ZBTB8B: variants seen among roughly 807,000 people sequenced by gnomAD.
The protein encoded by ZBTB8B is zinc finger and BTB domain containing 8B.
A neutral mutation model predicts 30.3 loss-of-function variants in ZBTB8B; 17 were observed. The ratio of observed to expected loss-of-function variants is 0.56; its 90% CI spans 0.38 to 0.84. ZBTB8B has a LOEUF of 0.84. ZBTB8B is among the 40% of genes least tolerant of loss of function. ZBTB8B has a pLI of 0.00. For missense variants in ZBTB8B, 515 were observed against 644.9 expected (o/e 0.80, Z 2.18); for synonymous variants, 248 against 255.6 (o/e 0.97, Z 0.28).
rs889555855 is a variant in ZBTB8B at position 32,489,476 on chromosome 1, C to T, written c.*4058C>T. ...CTTTTAAAGGAGATACTTCCTCTGT[C>T]TAGACTATCAGATCATAAATTGGTC... On this transcript the variant is annotated 3_prime_UTR_variant, in exon 4 of 4. Coordinates refer to ENST00000609129, the MANE Select transcript of ZBTB8B (RefSeq NM_001145720.2). 2.6e-5 allele frequency: 4 copies of T among 152,198 alleles called. No homozygotes were observed. The highest frequency in any genetic ancestry group is 9.6e-5 in the African/African-American group (4 of 41,456). 9.4% of individuals were successfully genotyped at this position (152,198 alleles called of 1,614,324 possible).
At chr1:32,471,898 C>T (rs1057124705) in intron 2 of ZBTB8B, among the ~76,000 whole-genome samples, 3 of 151,588 alleles carry the variant, frequency 2.0e-5, no homozygotes, top group Non-Finnish European at 4.4e-5. Flanking sequence ...CCATCATCAT[C>T]ACTATCATCA....
chr1:32,479,417 G>A (rs558948422), intron 2 of ZBTB8B, among the ~76,000 whole-genome samples: 66 of 152,238 alleles, frequency 4.3e-4, no homozygotes, highest in African/African-American at 1.3e-3. Flanking sequence ...CAGCTACTCC[G>A]AAGGCTGAGG....
intron 2 of ZBTB8B, among the ~76,000 whole-genome samples, chr1:32,474,611 A>T (rs1289741192): frequency 2.0e-5 from 3 of 152,110 alleles, no homozygotes; most frequent in African/African-American, 7.2e-5. Context: ...CTTCACCAGC[A>T]TTGGGAAGAT....
chr1:32,476,438 C>G (rs1193079734), intron 2 of ZBTB8B, among the ~76,000 whole-genome samples: 1 of 152,128 alleles, frequency 6.6e-6, no homozygotes, highest in Non-Finnish European at 1.5e-5. Flanking sequence ...TTTCACTCCT[C>G]CTCAGTGTGT....
At chr1:32,480,305 A>T (rs574902147) in intron 2 of ZBTB8B, among the ~76,000 whole-genome samples, 8 of 152,028 alleles carry the variant, frequency 5.3e-5, no homozygotes, top group Non-Finnish European at 8.8e-5. Flanking sequence ...GGGGGTATGC[A>T]GGGAGAAGGA....
At chr1:32,482,187 C>G (rs1166673490) in intron 3 of ZBTB8B, among the ~76,000 whole-genome samples, 1 of 151,968 alleles carries the variant, frequency 6.6e-6, no homozygotes, top group South Asian at 2.1e-4. Context: ...TTTGTAGAGA[C>G]AGGGTTTTTC....
At chr1:32,479,663 A>C (rs1643690153) in intron 2 of ZBTB8B, among the ~76,000 whole-genome samples, 1 of 152,248 alleles carries the variant, frequency 6.6e-6, no homozygotes, top group Non-Finnish European at 1.5e-5. Context: ...CAGGATCCGC[A>C]GGGCTGACTT....
rs1220653782 is a variant in ZBTB8B at position 32,471,413 on chromosome 1, A to G, written c.789A>G (p.Pro263=). 1 of 1,551,840 alleles carries G rather than the reference A, an allele frequency of 6.4e-7. No homozygotes were observed. Among genetic ancestry groups the G allele is most frequent in the African/African-American group, 1.4e-5 (1 of 73,204 alleles). The change falls in exon 2 of 4, where the codon CCA becomes CCG. Residue 263 remains proline, a synonymous_variant. Coordinates refer to ENST00000609129, the MANE Select transcript of ZBTB8B (RefSeq NM_001145720.2). ...LNLAHVEEAL[P]SGQAVDLAYS... is the part of the protein sequence containing the mutation. ...TGGCCCACGTGGAGGAGGCCTTGCCAAGCGGCCAGGCGGTTGACTTGGCTT... is the reference window on the plus strand; with the variant it reads ...TGGCCCACGTGGAGGAGGCCTTGCCGAGCGGCCAGGCGGTTGACTTGGCTT...
Position 32,470,990 on chromosome 1 carries a change from C to T in ZBTB8B, c.366C>T (p.Leu122=), listed in dbSNP as rs757173461. Residue 122 remains leucine (L), a synonymous_variant, in exon 2 of 4, where the codon CTC becomes CTT. Transcript: ENST00000609129. ...NFCKTYIRSS[L]DICRKMEKEA... is the part of the protein sequence containing the mutation. The stretch of plus-strand genomic sequence containing the variant: ...GCAAGACATACATTAGGTCATCCCT[C>T]GACATTTGCCGAAAGATGGAGAAGG... The T allele has an allele frequency of 6.6e-5, 102 of 1,552,102 alleles. No individual in the cohort carries two copies. Among genetic ancestry groups the T allele is most frequent in the Non-Finnish European group, 8.5e-5 (97 of 1,147,122 alleles).
At chr1:32,477,063 C>T (rs1283346577) in intron 2 of ZBTB8B, among the ~76,000 whole-genome samples, 5 of 152,182 alleles carry the variant, frequency 3.3e-5, no homozygotes, top group South Asian at 2.1e-4. Context: ...TGCCTAAGTA[C>T]GTGTTCTTCC....
At chr1:32,479,846 G>A (rs1257715175) in intron 2 of ZBTB8B, among the ~76,000 whole-genome samples, 1 of 152,206 alleles carries the variant, frequency 6.6e-6, no homozygotes, top group Non-Finnish European at 1.5e-5. Flanking sequence ...TATGAGCAAG[G>A]TGAGGGAATA....
intron 1 of ZBTB8B, among the ~76,000 whole-genome samples, chr1:32,470,275 C>T (rs563737734): frequency 2.0e-5 from 3 of 150,816 alleles, no homozygotes; most frequent in South Asian, 2.1e-4. Flanking sequence ...CCGAGGCGGG[C>T]GGATCACGAG....
At chr1:32,469,973 T>C (rs1343332040) in intron 1 of ZBTB8B, among the ~76,000 whole-genome samples, 1 of 151,992 alleles carries the variant, frequency 6.6e-6, no homozygotes, top group Non-Finnish European at 1.5e-5. Context: ...GCAGCTTACA[T>C]CTCCTGGGTT....
In ZBTB8B at chr1:32,490,126, C is replaced by G. The variant is rs1276910735; in HGVS notation, c.*4708C>G. The G allele has an allele frequency of 6.6e-6, 1 of 152,126 alleles. No individual in the cohort carries two copies. Among genetic ancestry groups the G allele is most frequent in the Admixed American group, 6.5e-5 (1 of 15,270 alleles). 9.4% of individuals were successfully genotyped at this position (152,126 alleles called of 1,614,324 possible). A position where few individuals can be genotyped will look rare whatever the true frequency, so the allele number is the denominator to read the frequency against. Reference sequence around the variant, plus strand: ...TGGCCTTTGGTTAACTGAACTCAGACTGTTTTATTTGGAACTCTAGATTTT... The same window carrying G: ...TGGCCTTTGGTTAACTGAACTCAGAGTGTTTTATTTGGAACTCTAGATTTT... On this transcript the variant is annotated 3_prime_UTR_variant, in exon 4 of 4. Coordinates refer to ENST00000609129, the MANE Select transcript of ZBTB8B (RefSeq NM_001145720.2).
rs1244899555 is a variant in ZBTB8B at position 32,495,492 on chromosome 1, ATTTTTG to A, written c.*10079_*10084del. ...GTAAATGGAAATAATCTCAAGCTAAATTTTTGTTTTGATTTATATACAGTCAGATTG... is the reference window on the plus strand; with the variant it reads ...GTAAATGGAAATAATCTCAAGCTAAATTTTGATTTATATACAGTCAGATTG... On this transcript the variant is annotated 3_prime_UTR_variant, in exon 4 of 4. Coordinates refer to ENST00000609129, the MANE Select transcript of ZBTB8B (RefSeq NM_001145720.2). 1 of 152,146 alleles carries A rather than the reference ATTTTTG, an allele frequency of 6.6e-6. No homozygotes were observed. The highest frequency in any genetic ancestry group is 1.5e-5 in the Non-Finnish European group (1 of 68,032). The allele number at this position is 152,146 out of a possible 1,614,324, so 9.4% of individuals were successfully genotyped here. A position where few individuals can be genotyped will look rare whatever the true frequency, so the allele number is the denominator to read the frequency against.
intron 2 of ZBTB8B, among the ~76,000 whole-genome samples, chr1:32,475,601 A>G (rs1388351928): frequency 6.6e-6 from 1 of 152,078 alleles, no homozygotes; most frequent in Non-Finnish European, 1.5e-5. Context: ...AAAACAAAAC[A>G]AAAGACACAA....
chr1:32,470,766 T>A lies in ZBTB8B; in HGVS notation c.142T>A (p.Tyr48Asn). 1 of 1,551,830 alleles carries A rather than the reference T, an allele frequency of 6.4e-7. No individual in the cohort carries two copies. Among genetic ancestry groups the A allele is most frequent in the Non-Finnish European group, 8.7e-7 (1 of 1,147,020 alleles). The part of the protein sequence containing the change: ...HRNILFANSG[Y>N]FRALLIHYIQ... ...GAACATTTTGTTTGCTAACAGCGGC[T>A]ACTTCCGAGCCCTGCTCATTCACTA... Residue 48 changes from tyrosine (Y) to asparagine (N), a missense_variant, in exon 2 of 4, where the codon TAC (tyrosine) becomes AAC (asparagine). Around this residue, in one of 3 missense-constraint regions of ZBTB8B, gnomAD observed 61 missense variants for 117.7 expected, o/e 0.52. Transcript: ENST00000609129.
At chr1:32,473,023 G>A (rs550905149) in intron 2 of ZBTB8B, among the ~76,000 whole-genome samples, 1 of 152,374 alleles carries the variant, frequency 6.6e-6, no homozygotes, top group African/African-American at 2.4e-5. Context: ...TCTTTGAACA[G>A]TTATGAGAGT....
chr1:32,474,911 G>T (rs894861443), intron 2 of ZBTB8B, among the ~76,000 whole-genome samples: 4 of 152,218 alleles, frequency 2.6e-5, no homozygotes, highest in Non-Finnish European at 4.4e-5. Flanking sequence ...TCAGTGCAAT[G>T]ATTTTTTTCT....
Sources: gnomAD v4.1 joint callset for allele counts (sites outside exome capture counted in the v4.1 genomes callset) on GRCh38, gnomAD v4.1.1 for gene constraint, gnomAD v4.1.1 regional missense constraint, MANE v1.5 for transcripts, NCBI Gene and HGNC (gene_info 2026-07-23, HGNC 2026-07-21) for gene names.